Variants in WNK1 observed in about 807,000 individuals in gnomAD.
WNK1 encodes the protein serine/threonine-protein kinase WNK1.
Under a neutral mutation model 222.8 loss-of-function variants are expected in WNK1, and 38 were observed. The ratio of observed to expected loss-of-function variants is 0.17; its 90% CI spans 0.13 to 0.22. The LOEUF (loss-of-function observed/expected upper bound fraction) is 0.22. WNK1 is among the 10% of genes least tolerant of loss of function. WNK1 has a pLI of 1.00. For missense variants in WNK1, 2,348 were observed against 2,918.4 expected (o/e 0.80, Z 4.50); for synonymous variants, 1,090 against 1,092.9 (o/e 1.00, Z 0.05).
In WNK1 at chr12:894,654, G is replaced by C. The variant is rs980371208; in HGVS notation, c.5583+19G>C. 6.2e-7 allele frequency: 1 copy of C among 1,611,026 alleles called. No homozygotes were observed. Among genetic ancestry groups the C allele is most frequent in the Non-Finnish European group, 8.5e-7 (1 of 1,177,366 alleles). ...ATTTCAGGTAAGACAGTCACTTTGT[G>C]TTGCCTTGATTCCTTCCTTTGGAGG... On this transcript the variant is annotated intron_variant, in intron 23 of 27. Transcript: ENST00000315939.
chr12:854,686 TTA>T (rs1950651381), intron 4 of WNK1, among the ~76,000 whole-genome samples: 1 of 152,212 alleles, frequency 6.6e-6, no homozygotes, highest in South Asian at 2.1e-4. Context: ...TATGCAGTTT[TTA>T]TATGTTTATT....
chr12:867,761 A>C (rs1951797450), intron 8 of WNK1: 1 of 1,184,314 alleles, frequency 8.4e-7, no homozygotes, highest in Non-Finnish European at 1.2e-6. Flanking sequence ...TTATAAATTT[A>C]GTGTAACCAT....
rs550571547 is a variant in WNK1, at chr12:887,202, T to A, written c.5281-19T>A. On this transcript the variant is annotated intron_variant, in intron 19 of 27. Transcript: ENST00000315939. ...TATTTAGCGTCTCACGGACTTGATTTTCCCTTTGTTGTCTGTAGGTGCTGC... is the reference window on the plus strand; with the variant it reads ...TATTTAGCGTCTCACGGACTTGATTATCCCTTTGTTGTCTGTAGGTGCTGC... 1 of 1,613,862 alleles carries A rather than the reference T, an allele frequency of 6.2e-7. No individual in the cohort carries two copies. Among genetic ancestry groups the A allele is most frequent in the Admixed American group, 1.7e-5 (1 of 60,028 alleles).
chr12:785,384 T>C lies in WNK1; in HGVS notation c.760-28258T>C, dbSNP rs79333689. ...GTTCTCCTAGACCAATGGTCTAACG[T>C]CCATATCATTTTCTCCCCCCCCCCC... On this transcript the variant is annotated intron_variant, in intron 1 of 27. Coordinates refer to ENST00000315939, the MANE Select transcript of WNK1 (RefSeq NM_018979.4). Among the ~76,000 whole-genome samples, 638 of 149,032 alleles carry C rather than the reference T, an allele frequency of 4.3e-3. 1 individual carries two copies. The highest frequency in any genetic ancestry group is 7.5e-3 in the Non-Finnish European group (506 of 67,590).
intron 1 of WNK1, among the ~76,000 whole-genome samples, chr12:801,746 A>G (rs898953886): frequency 2.0e-5 from 3 of 152,154 alleles, no homozygotes; most frequent in African/African-American, 7.2e-5. Flanking sequence ...TCATAAAATC[A>G]GGAATGAATG....
chr12:871,304 T>G lies in WNK1; in HGVS notation c.2179T>G (p.Leu727Val), dbSNP rs1353814319. 6.2e-7 allele frequency: 1 copy of G among 1,614,202 alleles called. No homozygotes were observed. Among genetic ancestry groups the G allele is most frequent in the East Asian group, 2.2e-5 (1 of 44,880 alleles). The change falls in exon 9 of 28, where the codon TTA (leucine) becomes GTA (valine). Residue 727 changes from leucine (L) to valine (V), a missense_variant. Physicochemically the swap from Leu to Val is conservative, Grantham distance 32. Transcript: ENST00000315939. ...QSQGQPSSSS[L>V]TGVSSSQPIQ... ...CCAGGGTCAGCCATCCTCAAGTAGC[T>G]TAACAGGGGTTTCATCTTCCCAACC...
chr12:773,223 A>G (rs990917166), intron 1 of WNK1, among the ~76,000 whole-genome samples: 9 of 152,090 alleles, frequency 5.9e-5, no homozygotes, highest in Admixed American at 4.6e-4. Context: ...GCGCCATTGC[A>G]TTCCAGCCTG....
chr12:896,751 G>A lies in WNK1; in HGVS notation c.6245+19G>A. Reference sequence around the variant, plus strand: ...GAGATAAGTAAGTATATTTTCTCTTGTGAAAGAATGTCAGATAAGGTTTTC... The same window carrying A: ...GAGATAAGTAAGTATATTTTCTCTTATGAAAGAATGTCAGATAAGGTTTTC... On this transcript the variant is annotated intron_variant, in intron 24 of 27. Coordinates refer to ENST00000315939, the MANE Select transcript of WNK1 (RefSeq NM_018979.4). 6.2e-7 allele frequency: 1 copy of A among 1,606,550 alleles called. No homozygotes were observed.
intron 26 of WNK1, among the ~76,000 whole-genome samples, chr12:907,024 T>TAAAAAAAAAAAAAAAAAAAAAAAAAA (rs67823034): frequency 4.2e-5 from 2 of 47,422 alleles, no homozygotes; most frequent in Non-Finnish European, 6.9e-5. Context: ...ACCCTTCCTT[T>TAAAAAAAAAAAAAAAAAAAAAAAAAA]AAAAAAAAAA....
At position 763,954 on chromosome 12, in the gene WNK1, T is replaced by C. The variant is rs1941362014; in HGVS notation, c.759+9630T>C. Reference sequence around the variant, plus strand: ...GAGGAGGTATGGAGATGTATTCAATTGGACATGTTGAGTTTGAGATTCTTA... The same window carrying C: ...GAGGAGGTATGGAGATGTATTCAATCGGACATGTTGAGTTTGAGATTCTTA... On this transcript the variant is annotated intron_variant, in intron 1 of 27. Transcript: ENST00000315939. 1.4e-5 allele frequency among the ~76,000 whole-genome samples: 2 copies of C among 147,582 alleles called. 1 individual carries two copies. The highest frequency in any genetic ancestry group is 3.0e-5 in the Non-Finnish European group (2 of 65,998).
In WNK1 at chr12:868,303, C is replaced by G. The variant is rs747730233; in HGVS notation, c.2140-2962C>G. 94 of 1,609,796 alleles carry G rather than the reference C, an allele frequency of 5.8e-5. No homozygotes were observed. The highest frequency in any genetic ancestry group is 6.4e-5 in the Non-Finnish European group (75 of 1,177,800). ...ATGTAGCTGGGGTACATTACCAGGC[C>G]CGGGTGGCAGAACAGTATGAGGGCA... On this transcript the variant is annotated intron_variant, in intron 8 of 27. Coordinates refer to ENST00000315939, the MANE Select transcript of WNK1 (RefSeq NM_018979.4).
chr12:772,298 A>G (rs1942604225), intron 1 of WNK1, among the ~76,000 whole-genome samples: 1 of 152,192 alleles, frequency 6.6e-6, no homozygotes, highest in Admixed American at 6.5e-5. Context: ...GTATGGTTGT[A>G]CAGTTTGCCT....
At chr12:902,402 AG>A (rs1357047724) in intron 26 of WNK1, among the ~76,000 whole-genome samples, 4 of 152,234 alleles carry the variant, frequency 2.6e-5, no homozygotes, top group Non-Finnish European at 4.4e-5. Flanking sequence ...ATTCTTTGTC[AG>A]AGTAGATTGA....
At chr12:886,220 G>A in intron 19 of WNK1, 136 bp downstream of exon 19, 1 of 799,836 alleles carries the variant, frequency 1.3e-6, no homozygotes, top group Non-Finnish European at 1.9e-6. Context: ...TTATTAAATT[G>A]ACAGCAGTTT....
At chr12:825,130 T>C (rs901971311) in intron 2 of WNK1, among the ~76,000 whole-genome samples, 3 of 152,184 alleles carry the variant, frequency 2.0e-5, no homozygotes, top group Non-Finnish European at 4.4e-5. Flanking sequence ...TAACCAAAAC[T>C]CTCAAGATAG....
chr12:851,732 A>G, intron 4 of WNK1: 1 of 1,346,328 alleles, frequency 7.4e-7, no homozygotes, highest in Non-Finnish European at 9.8e-7. Context: ...AGTATTTGTC[A>G]TCATAAATTC....
intron 1 of WNK1, among the ~76,000 whole-genome samples, chr12:796,003 G>A (rs1424233667): frequency 6.6e-6 from 1 of 151,904 alleles, no homozygotes; most frequent in African/African-American, 2.4e-5. Context: ...CCTTCCCACC[G>A]CAGCCTCTTG....
intron 1 of WNK1, among the ~76,000 whole-genome samples, chr12:779,129 G>A (rs1011495876): frequency 2.6e-5 from 4 of 152,156 alleles, no homozygotes; most frequent in African/African-American, 7.2e-5. Context: ...CACTAATTAT[G>A]TGTTTTTTCT....
chr12:771,765 A>G (rs1333663026), intron 1 of WNK1, among the ~76,000 whole-genome samples: 2 of 152,148 alleles, frequency 1.3e-5, no homozygotes, highest in South Asian at 2.1e-4. Flanking sequence ...AAGTTGTAAT[A>G]TATTTGAGAT....
Sources: allele counts gnomAD v4.1 joint callset (sites outside exome capture counted in the v4.1 genomes callset), GRCh38; gene constraint gnomAD v4.1.1; transcripts MANE v1.5; gene names NCBI Gene and HGNC (gene_info 2026-07-23, HGNC 2026-07-21).